ADAMTS20: variants seen among roughly 807,000 people sequenced by gnomAD.
ADAMTS20 encodes ADAM metallopeptidase with thrombospondin type 1 motif 20.
ADAMTS20 carries 225 observed loss-of-function variants against 260.1 expected under a neutral mutation model. The observed-to-expected ratio is 0.87, with a 90% CI of 0.78 to 0.97. The LOEUF is 0.97. ADAMTS20 is among the 50% of genes least tolerant of loss of function. The pLI is 0.00. For synonymous variants in ADAMTS20, 802 were observed against 769.5 expected (o/e 1.04, Z -0.70); for missense variants, 2,400 against 2,337.7 (o/e 1.03, Z -0.55).
chr12:43,546,252 C>T (rs1226163575), intron 2 of ADAMTS20, among the ~76,000 whole-genome samples: 1 of 152,094 alleles, frequency 6.6e-6, no homozygotes, highest in Non-Finnish European at 1.5e-5. Flanking sequence ...TGACATGTTG[C>T]AGAATGGTTC....
intron 27 of ADAMTS20, 135 bp from the exon 28 acceptor site, chr12:43,425,825 T>C: frequency 1.8e-6 from 1 of 546,358 alleles, no homozygotes; most frequent in Non-Finnish European, 2.9e-6. Context: ...TCTAGTAATG[T>C]TACTCTAGTA....
In ADAMTS20 at chr12:43,543,375, A is replaced by G. The variant is rs537890729; in HGVS notation, c.453+7534T>C. Among the ~76,000 whole-genome samples the G allele has an allele frequency of 2.6e-4, 39 of 152,276 alleles. No individual in the cohort carries two copies. The South Asian group carries it at 5.2e-3, about 20-fold the overall frequency. Reference sequence around the variant, plus strand: ...CCTTCCACAGTAGTGAGTCTCCACAATTCCTCTTCAGGAGCCAAAAACTGC... The same window carrying G: ...CCTTCCACAGTAGTGAGTCTCCACAGTTCCTCTTCAGGAGCCAAAAACTGC... On this transcript the variant is annotated intron_variant, in intron 2 of 38. Coordinates refer to ENST00000389420, the MANE Select transcript of ADAMTS20 (RefSeq NM_025003.5).
At chr12:43,367,356 G>A (rs909988879) in intron 37 of ADAMTS20, among the ~76,000 whole-genome samples, 1 of 151,974 alleles carries the variant, frequency 6.6e-6, no homozygotes, top group East Asian at 1.9e-4. Flanking sequence ...GACTAAGTGG[G>A]ATTTATCACA....
chr12:43,439,865 C>A, intron 17 of ADAMTS20, 32 bp downstream of exon 17: 2 of 1,583,248 alleles, frequency 1.3e-6, no homozygotes, highest in Non-Finnish European at 8.6e-7. Context: ...ATAATTAAAT[C>A]CAAGTGTTAT....
chr12:43,459,818 G>A (rs1942028782), intron 11 of ADAMTS20, among the ~76,000 whole-genome samples: 2 of 152,118 alleles, frequency 1.3e-5, no homozygotes, highest in Admixed American at 1.3e-4. Flanking sequence ...CATTTTGTTA[G>A]CATCTTGCAC....
chr12:43,460,988 A>ATATATTTTTTTT, intron 11 of ADAMTS20, among the ~76,000 whole-genome samples: 12 of 26,394 alleles, frequency 4.5e-4, no homozygotes, highest in African/African-American at 1.5e-3. Context: ...ATATATATAT[A>ATATATTTTTTTT]TTTTTTTTTT....
chr12:43,365,137 C>T (rs1939955999), intron 37 of ADAMTS20, among the ~76,000 whole-genome samples: 2 of 151,868 alleles, frequency 1.3e-5, no homozygotes, highest in African/African-American at 4.8e-5. Context: ...AACTGTACAT[C>T]AATAATTTTT....
chr12:43,446,756 A>C, intron 14 of ADAMTS20, 44 bp from the exon 15 acceptor site: 1 of 1,491,206 alleles, frequency 6.7e-7, no homozygotes, highest in South Asian at 1.2e-5. Flanking sequence ...ATGACTAATT[A>C]TGAAGAAAAG....
chr12:43,381,270 CAT>C (rs1410055262), intron 31 of ADAMTS20, among the ~76,000 whole-genome samples: 1 of 152,044 alleles, frequency 6.6e-6, no homozygotes, highest in Non-Finnish European at 1.5e-5. Flanking sequence ...ACAAAGAAAA[CAT>C]AGATATATAT....
chr12:43,449,556 T>C (rs1261991078), intron 14 of ADAMTS20, among the ~76,000 whole-genome samples: 2 of 151,986 alleles, frequency 1.3e-5, no homozygotes, highest in African/African-American at 2.4e-5. Flanking sequence ...ATCTGGATGA[T>C]GAAATAATCT....
rs143704181 is a variant in ADAMTS20, at chr12:43,406,680, G to A, written c.4285-7447C>T. On this transcript the variant is annotated intron_variant, in intron 28 of 38. Transcript: ENST00000389420. ...CCAATAGTTCTGAAATCTTCCAGAAGCCAATGATACTTGGAGATCTAAGAG... is the reference window on the plus strand; with the variant it reads ...CCAATAGTTCTGAAATCTTCCAGAAACCAATGATACTTGGAGATCTAAGAG... Among the ~76,000 whole-genome samples, 129 of 152,106 alleles carry A rather than the reference G, an allele frequency of 8.5e-4. 1 individual carries two copies. Among genetic ancestry groups the A allele is most frequent in the Middle Eastern group, 6.8e-3 (2 of 292 alleles).
chr12:43,542,105 G>T (rs1943384301), intron 2 of ADAMTS20, among the ~76,000 whole-genome samples: 1 of 152,138 alleles, frequency 6.6e-6, no homozygotes, highest in South Asian at 2.1e-4. Context: ...GTGTTATAAA[G>T]TCATATGAAC....
intron 7 of ADAMTS20, among the ~76,000 whole-genome samples, chr12:43,477,098 T>C (rs1942370213): frequency 6.6e-6 from 1 of 151,574 alleles, no homozygotes; most frequent in Non-Finnish European, 1.5e-5. Flanking sequence ...TTATAATCAT[T>C]ACTCTTGACT....
At chr12:43,464,765 A>C (rs748355611) in intron 9 of ADAMTS20, 33 bp from the exon 10 acceptor site, 1 of 1,588,170 alleles carries the variant, frequency 6.3e-7, no homozygotes, top group South Asian at 1.1e-5. Context: ...AATATTGTGA[A>C]TACACATGGA....
At chr12:43,372,314 C>T (rs930729932) in intron 36 of ADAMTS20, among the ~76,000 whole-genome samples, 12 of 152,130 alleles carry the variant, frequency 7.9e-5, no homozygotes, top group African/African-American at 2.7e-4. Flanking sequence ...GACACAAAAC[C>T]ATTAGAGGAT....
chr12:43,499,325 A>G (rs895780967), intron 4 of ADAMTS20, among the ~76,000 whole-genome samples: 5 of 152,120 alleles, frequency 3.3e-5, no homozygotes, highest in African/African-American at 1.2e-4. Flanking sequence ...AAGCACATGC[A>G]TTGGTCTGTT....
rs1466478582 is a variant in ADAMTS20 at position 43,432,446 on chromosome 12, C to G, written c.2954G>C (p.Gly985Ala). ...ACAATAAGATTCTCGAGACCTTTCC[C>G]CTCCTCCACAACTCCTGGAACACTG... is the stretch of plus-strand genomic sequence containing the variant. ...WSQCSRSCGG[G>A]ERSRESYCMN... The change falls in exon 21 of 39, where the codon GGG (glycine) becomes GCG (alanine). Residue 985 changes from glycine to alanine, a missense_variant. Physicochemically the swap from Gly to Ala is moderately conservative, Grantham distance 60. Transcript: ENST00000389420. The G allele has an allele frequency of 6.2e-7, 1 of 1,613,140 alleles. No homozygotes were observed. Among genetic ancestry groups the G allele is most frequent in the African/African-American group, 1.3e-5 (1 of 74,692 alleles).
chr12:43,433,942 G>T (rs559953415), intron 19 of ADAMTS20, among the ~76,000 whole-genome samples: 5 of 152,150 alleles, frequency 3.3e-5, no homozygotes, highest in African/African-American at 9.6e-5. Context: ...TATTGTTTCA[G>T]ATCTTTAAAC....
chr12:43,538,863 A>G (rs1248349967), intron 2 of ADAMTS20, among the ~76,000 whole-genome samples: 3 of 152,126 alleles, frequency 2.0e-5, no homozygotes, highest in Admixed American at 2.0e-4. Context: ...TGCAGAAATG[A>G]ACATTTTTGT....
Sources: allele counts gnomAD v4.1 joint callset (sites outside exome capture counted in the v4.1 genomes callset), GRCh38; gene constraint gnomAD v4.1.1; transcripts MANE v1.5; gene names NCBI Gene and HGNC (gene_info 2026-07-23, HGNC 2026-07-21).